Variants in DPH3 observed in about 807,000 individuals in gnomAD.
The protein encoded by DPH3 is diphthamide biosynthesis 3, also known as diphthamide biosynthesis protein 3.
A neutral mutation model predicts 10.2 loss-of-function variants in DPH3; 8 were observed. The ratio of observed to expected loss-of-function variants is 0.79; its 90% CI spans 0.46 to 1.42. DPH3 has a LOEUF of 1.42. DPH3 is among the 40% of genes most tolerant of loss of function. DPH3 has a pLI of 0.00. For synonymous variants in DPH3, 35 were observed against 35.6 expected (o/e 0.98, Z 0.06); for missense variants, 96 against 98.9 (o/e 0.97, Z 0.12).
At position 16,264,227 on chromosome 3, in the gene DPH3, T is replaced by C. The variant is rs1485081110; in HGVS notation, c.111A>G (p.Glu37=). The C allele has an allele frequency of 8.1e-6, 13 of 1,602,744 alleles. No homozygotes were observed. Among genetic ancestry groups the C allele is most frequent in the Non-Finnish European group, 1.0e-5 (12 of 1,172,666 alleles). ...CCACGTCTTCCCCATTCTCCAAATC[T>C]TCCTACAACGAAATCAAATACCATG... The part of the protein sequence containing the change: ...PCGDNFSITK[E]DLENGEDVAT... Residue 37 remains glutamate (E), a splice_region_variant and synonymous_variant, in exon 2 of 3, where the codon GAA becomes GAG. Coordinates refer to ENST00000488423, the MANE Select transcript of DPH3 (RefSeq NM_206831.3).
At position 16,258,099 on chromosome 3, in the gene DPH3, C is replaced by G. The variant is rs1015102485; in HGVS notation, c.*2665G>C. 3 of 152,190 alleles carry G rather than the reference C, an allele frequency of 2.0e-5. No homozygotes were observed. The highest frequency in any genetic ancestry group is 4.4e-5 in the Non-Finnish European group (3 of 68,032). The allele number at this position is 152,190 out of a possible 1,614,324, so 9.4% of individuals were successfully genotyped here. On this transcript the variant is annotated 3_prime_UTR_variant, in exon 3 of 3. Coordinates refer to ENST00000488423, the MANE Select transcript of DPH3 (RefSeq NM_206831.3). ...CAAGAAAAATGTTTCTGAATGTGCA[C>G]ACTAGAATATATGCAGAATCCTTTA...
rs1161402505 is a variant in DPH3, at chr3:16,263,669, A to G, written c.183+486T>C. Among the ~76,000 whole-genome samples, 1 of 152,024 alleles carries G rather than the reference A, an allele frequency of 6.6e-6. No individual in the cohort carries two copies. The highest frequency in any genetic ancestry group is 1.9e-4 in the East Asian group (1 of 5,178). ...ATAACATTTTTTTTTTCTATTGTCA[A>G]CATCCTTGGGTGAAAGATAATAGGG... is the stretch of plus-strand genomic sequence containing the variant. On this transcript the variant is annotated intron_variant, in intron 2 of 2. Transcript: ENST00000488423. This position sits in a 1 kb window ranked among gnomAD's most constrained non-coding sequence, Gnocchi z 4.0.
chr3:16,264,543 C>T (rs1245498987), intron 1 of DPH3: 14 of 588,034 alleles, frequency 2.4e-5, no homozygotes, highest in African/African-American at 5.6e-5. Context: ...GAGACAGAGG[C>T]TCTCCGCCAC....
In DPH3 at chr3:16,258,131, C is replaced by CCTCT. The variant is rs1485201328; in HGVS notation, c.*2632_*2633insAGAG. The stretch of plus-strand genomic sequence containing the variant: ...ATATATGCAGAATCCTTTAAACAGT[C>CCTCT]GACTTCATATTTTAAACTTGTAAGT... On this transcript the variant is annotated 3_prime_UTR_variant, in exon 3 of 3. Coordinates refer to ENST00000488423, the MANE Select transcript of DPH3 (RefSeq NM_206831.3). The CCTCT allele has an allele frequency of 2.6e-5, 4 of 152,166 alleles. No homozygotes were observed. The highest frequency in any genetic ancestry group is 1.5e-5 in the Non-Finnish European group (1 of 68,022). The allele number at this position is 152,166 out of a possible 1,614,324, so 9.4% of individuals were successfully genotyped here.
chr3:16,257,571 C>T lies in DPH3; in HGVS notation c.*3193G>A, dbSNP rs75687574. On this transcript the variant is annotated 3_prime_UTR_variant, in exon 3 of 3. Coordinates refer to ENST00000488423, the MANE Select transcript of DPH3 (RefSeq NM_206831.3). The stretch of plus-strand genomic sequence containing the variant: ...ACCCTGTCAAAGAGGTACTATGATC[C>T]AGATTTCACAAACCAGAATATAATT... Among the ~76,000 whole-genome samples, 4,438 of 152,312 alleles carry T rather than the reference C, an allele frequency of 0.029. 100 individuals are homozygous for T. The highest frequency in any genetic ancestry group is 0.082 in the Middle Eastern group (24 of 294).
rs2064300505 is a variant in DPH3 at position 16,262,695 on chromosome 3, A to G, written c.183+1460T>C. 6.6e-6 allele frequency among the ~76,000 whole-genome samples: 1 copy of G among 152,168 alleles called. No individual in the cohort carries two copies. Among genetic ancestry groups the G allele is most frequent in the Non-Finnish European group, 1.5e-5 (1 of 68,032 alleles). ...TCTCTCATGAACGCCAGACATGCAT[A>G]TCCAATTGCCTTCTCAACAGCTCAA... is the stretch of plus-strand genomic sequence containing the variant. On this transcript the variant is annotated intron_variant, in intron 2 of 2. Coordinates refer to ENST00000488423, the MANE Select transcript of DPH3 (RefSeq NM_206831.3). The surrounding 1 kb of genome is among the most constrained non-coding windows in gnomAD (Gnocchi z 4.7).
chr3:16,264,110 C>G (rs1397245830), intron 2 of DPH3, 45 bp downstream of exon 2: 2 of 1,404,572 alleles, frequency 1.4e-6, no homozygotes, highest in Non-Finnish European at 2.0e-6. Flanking sequence ...GTCCTTGCCA[C>G]TGACTTACAA....
In DPH3 at chr3:16,260,791, T is replaced by C. The variant is rs1054510251; in HGVS notation, c.222A>G (p.Ser74=). Residue 74 remains serine (S), a synonymous_variant, in exon 3 of 3, where the codon TCA becomes TCG. Transcript: ENST00000488423. ...FVCGETVPAP[S]ANKELVKC ...AGCATTTAACTAATTCTTTGTTGGC[T>C]GAAGGGGCTGGGACTGTTTCTCCAC... 11 of 1,613,790 alleles carry C rather than the reference T, an allele frequency of 6.8e-6. No homozygotes were observed. Among genetic ancestry groups the C allele is most frequent in the African/African-American group, 6.7e-5 (5 of 74,944 alleles).
Position 16,263,296 on chromosome 3 carries a change from T to C in DPH3, c.183+859A>G, listed in dbSNP as rs1272724030. On this transcript the variant is annotated intron_variant, in intron 2 of 2. Coordinates refer to ENST00000488423, the MANE Select transcript of DPH3 (RefSeq NM_206831.3). The surrounding 1 kb of genome is among the most constrained non-coding windows in gnomAD (Gnocchi z 4.0). ...TCGACTCTCTTACCTCATACCCTCA[T>C]ATGTACATGGCTCACTCCCTCACCT... Among the ~76,000 whole-genome samples the C allele has an allele frequency of 6.6e-6, 1 of 152,148 alleles. No homozygotes were observed. The highest frequency in any genetic ancestry group is 1.9e-4 in the East Asian group (1 of 5,196).
In DPH3 at chr3:16,259,012, C is replaced by G; in HGVS notation, c.*1752G>C. On this transcript the variant is annotated 3_prime_UTR_variant, in exon 3 of 3. Transcript: ENST00000488423. The stretch of plus-strand genomic sequence containing the variant: ...TGTTCTTCTATGTTCTTAGCAAACC[C>G]ACATCAAGGGTGTCTGTTCGTGTTT... The G allele has an allele frequency of 6.6e-6, 1 of 152,158 alleles. No individual in the cohort carries two copies. The highest frequency in any genetic ancestry group is 1.9e-4 in the East Asian group (1 of 5,190). 9.4% of individuals were successfully genotyped at this position (152,158 alleles called of 1,614,324 possible). A position where few individuals can be genotyped will look rare whatever the true frequency, so the allele number is the denominator to read the frequency against.
chr3:16,259,580 C>A lies in DPH3; in HGVS notation c.*1184G>T, dbSNP rs573672436. On this transcript the variant is annotated 3_prime_UTR_variant, in exon 3 of 3. Transcript: ENST00000488423. ...TTTCAAATTTCCAATGTAAATGATT[C>A]TAATTTCTTGCTATGCTTAGTACTG... The A allele has an allele frequency of 1.3e-5, 2 of 152,120 alleles. No homozygotes were observed. The highest frequency in any genetic ancestry group is 2.9e-5 in the Non-Finnish European group (2 of 68,018). The allele number at this position is 152,120 out of a possible 1,614,324, so 9.4% of individuals were successfully genotyped here. A position where few individuals can be genotyped will look rare whatever the true frequency, so the allele number is the denominator to read the frequency against.
chr3:16,264,245 A>G lies in DPH3; in HGVS notation c.109-16T>C, dbSNP rs753130700. 5.0e-6 allele frequency: 8 copies of G among 1,594,990 alleles called. 1 individual carries two copies. In the South Asian group the frequency reaches 9.0e-5, roughly 18 times the overall value. On this transcript the variant is annotated splice_polypyrimidine_tract_variant and intron_variant, in intron 1 of 2. Coordinates refer to ENST00000488423, the MANE Select transcript of DPH3 (RefSeq NM_206831.3). ...CCAAATCTTCCTACAACGAAATCAA[A>G]TACCATGTGGTCAGGATAGCTTCTC...
rs979234069 is a variant in DPH3 at position 16,262,334 on chromosome 3, C to T, written c.184-1505G>A. On this transcript the variant is annotated intron_variant, in intron 2 of 2. Transcript: ENST00000488423. The surrounding 1 kb of genome is among the most constrained non-coding windows in gnomAD (Gnocchi z 4.7). ...CCATGGAAACTGCTCTCATCTCCGT[C>T]ACAGATGAACTCAGTGTTGCTAAAG... Among the ~76,000 whole-genome samples, 1 of 152,238 alleles carries T rather than the reference C, an allele frequency of 6.6e-6. No individual in the cohort carries two copies. The highest frequency in any genetic ancestry group is 1.5e-5 in the Non-Finnish European group (1 of 68,038).
At chr3:16,264,310 G>C in intron 1 of DPH3, 81 bp from the exon 2 acceptor site, 1 of 1,157,688 alleles carries the variant, frequency 8.6e-7, no homozygotes, top group Non-Finnish European at 1.2e-6. Context: ...ACCCCTAGAT[G>C]CAAGTCTCTT....
chr3:16,259,974 C>T lies in DPH3; in HGVS notation c.*790G>A, dbSNP rs2064281919. Reference sequence around the variant, plus strand: ...TCATTCAAACATTCCACTTACTACACTGGTATGCTTTGCTCCTCTCATTCT... The same window carrying T: ...TCATTCAAACATTCCACTTACTACATTGGTATGCTTTGCTCCTCTCATTCT... On this transcript the variant is annotated 3_prime_UTR_variant, in exon 3 of 3. Coordinates refer to ENST00000488423, the MANE Select transcript of DPH3 (RefSeq NM_206831.3). 1 of 152,236 alleles carries T rather than the reference C, an allele frequency of 6.6e-6. No individual in the cohort carries two copies. Among genetic ancestry groups the T allele is most frequent in the South Asian group, 2.1e-4 (1 of 4,836 alleles). 9.4% of individuals were successfully genotyped at this position (152,236 alleles called of 1,614,324 possible).
Position 16,263,432 on chromosome 3 carries a change from G to C in DPH3, c.183+723C>G, listed in dbSNP as rs908255114. On this transcript the variant is annotated intron_variant, in intron 2 of 2. Coordinates refer to ENST00000488423, the MANE Select transcript of DPH3 (RefSeq NM_206831.3). This position sits in a 1 kb window ranked among gnomAD's most constrained non-coding sequence, Gnocchi z 4.0. ...GCACTCCTGATCTTCCTTACCGTTT[G>C]CTTTCTGTTGCAGAGCACATTTTAA... 5.3e-5 allele frequency among the ~76,000 whole-genome samples: 8 copies of C among 152,126 alleles called. No individual in the cohort carries two copies. Among genetic ancestry groups the C allele is most frequent in the African/African-American group, 1.9e-4 (8 of 41,404 alleles).
rs529134313 is a variant in DPH3, at chr3:16,258,436, A to C, written c.*2328T>G. 4.6e-5 allele frequency: 7 copies of C among 152,340 alleles called. No individual in the cohort carries two copies. The East Asian group carries it at 1.3e-3, about 29-fold the overall frequency. 9.4% of individuals were successfully genotyped at this position (152,340 alleles called of 1,614,324 possible). On this transcript the variant is annotated 3_prime_UTR_variant, in exon 3 of 3. Coordinates refer to ENST00000488423, the MANE Select transcript of DPH3 (RefSeq NM_206831.3). ...AGGAATGTCTTGAGCTAAATAAGGCACACGTATCACACAGAACTTTAGTCG... is the reference window on the plus strand; with the variant it reads ...AGGAATGTCTTGAGCTAAATAAGGCCCACGTATCACACAGAACTTTAGTCG...
rs1036406976 is a variant in DPH3 at position 16,259,020 on chromosome 3, G to A, written c.*1744C>T. 2.6e-5 allele frequency: 4 copies of A among 152,162 alleles called. No individual in the cohort carries two copies. The highest frequency in any genetic ancestry group is 4.4e-5 in the Non-Finnish European group (3 of 68,024). 9.4% of individuals were successfully genotyped at this position (152,162 alleles called of 1,614,324 possible). Reference sequence around the variant, plus strand: ...TATGTTCTTAGCAAACCCACATCAAGGGTGTCTGTTCGTGTTTGAAACTCA... The same window carrying A: ...TATGTTCTTAGCAAACCCACATCAAAGGTGTCTGTTCGTGTTTGAAACTCA... On this transcript the variant is annotated 3_prime_UTR_variant, in exon 3 of 3. Coordinates refer to ENST00000488423, the MANE Select transcript of DPH3 (RefSeq NM_206831.3).
rs536238430 is a variant in DPH3 at position 16,260,124 on chromosome 3, A to G, written c.*640T>C. 1 of 152,138 alleles carries G rather than the reference A, an allele frequency of 6.6e-6. No homozygotes were observed. The highest frequency in any genetic ancestry group is 1.5e-5 in the Non-Finnish European group (1 of 68,018). The allele number at this position is 152,138 out of a possible 1,614,324, so 9.4% of individuals were successfully genotyped here. ...TCATTTTGGACTTTCTTTCTTGTTC[A>G]CTAACTTTTAGCTCTGGAGACATTG... On this transcript the variant is annotated 3_prime_UTR_variant, in exon 3 of 3. Transcript: ENST00000488423.
Sources: gnomAD v4.1 joint callset for allele counts (sites outside exome capture counted in the v4.1 genomes callset) on GRCh38, gnomAD v4.1.1 for gene constraint, Gnocchi (gnomAD v3.1) non-coding constraint, MANE v1.5 for transcripts, NCBI Gene and HGNC (gene_info 2026-07-23, HGNC 2026-07-21) for gene names.